The following VWA8 variants were observed in gnomAD, a reference collection of about 807,000 sequenced individuals.
The protein encoded by VWA8 is von Willebrand factor A domain containing 8.
A neutral mutation model predicts 241.5 loss-of-function variants in VWA8; 221 were observed. The observed-to-expected ratio is 0.91, with a 90% CI of 0.82 to 1.02. VWA8 has a LOEUF of 1.02. Ranked by LOEUF, VWA8 falls within the 50% of genes least tolerant of loss-of-function variation. The pLI is 0.00. For missense variants in VWA8, 2,322 were observed against 2,328.7 expected (o/e 1.00, Z 0.06); for synonymous variants, 852 against 827.1 (o/e 1.03, Z -0.52).
At chr13:41,927,268 T>C in intron 2 of VWA8, 1 of 505,600 alleles carries the variant, frequency 2.0e-6, no homozygotes, top group South Asian at 1.5e-5. Flanking sequence ...AGTACTTCTA[T>C]TTCCTGCTAT....
Position 41,691,438 on chromosome 13 carries a change from G to A in VWA8, c.3748C>T (p.Leu1250=), listed in dbSNP as rs754401390. 26 of 1,612,024 alleles carry A rather than the reference G, an allele frequency of 1.6e-5. No individual in the cohort carries two copies. The Admixed American group carries it at 3.5e-4, about 22-fold the overall frequency. ...LVFYKEKGNS[L]TVLDVLEGRT... is the part of the protein sequence containing the mutation. ...CCTTCTAGAACATCCAGCACAGTCA[G>A]GCTGTTCCTGGAAAAGAAGAAAACT... Residue 1250 remains leucine, a synonymous_variant, in exon 32 of 45, where the codon CTG becomes TTG. Transcript: ENST00000379310.
intron 29 of VWA8, among the ~76,000 whole-genome samples, chr13:41,695,078 G>A (rs775183462): frequency 1.3e-5 from 2 of 152,116 alleles, no homozygotes; most frequent in Non-Finnish European, 2.9e-5. Context: ...CGTCACACAT[G>A]AGTACATGTA....
intron 12 of VWA8, among the ~76,000 whole-genome samples, chr13:41,844,558 T>C (rs1872200029): frequency 6.6e-6 from 1 of 152,182 alleles, no homozygotes; most frequent in South Asian, 2.1e-4. Context: ...ACTATTTCTC[T>C]TCCCACATGA....
intron 21 of VWA8, among the ~76,000 whole-genome samples, chr13:41,754,191 T>A (rs996865794): frequency 3.2e-4 from 49 of 152,222 alleles, no homozygotes; most frequent in Non-Finnish European, 4.9e-4. Context: ...AACTCCCACA[T>A]GTTGCGGGAG....
At chr13:41,910,310 T>C (rs921631834) in intron 3 of VWA8, among the ~76,000 whole-genome samples, 1 of 152,126 alleles carries the variant, frequency 6.6e-6, no homozygotes, top group South Asian at 2.1e-4. Context: ...TTAAAAAGGC[T>C]TGGCCGGGCA....
chr13:41,791,088 C>T (rs925217836), intron 17 of VWA8, among the ~76,000 whole-genome samples: 6 of 151,434 alleles, frequency 4.0e-5, no homozygotes, highest in Non-Finnish European at 8.9e-5. Flanking sequence ...AATCCAATTC[C>T]TTTTCACTGA....
At chr13:41,797,183 A>T (rs915234367) in intron 17 of VWA8, among the ~76,000 whole-genome samples, 1 of 146,178 alleles carries the variant, frequency 6.8e-6, no homozygotes, top group African/African-American at 2.5e-5. Context: ...GGCACGTGCC[A>T]CCACACCCAA....
intron 26 of VWA8, among the ~76,000 whole-genome samples, chr13:41,716,584 ATC>A (rs1334071504): frequency 6.6e-6 from 1 of 151,980 alleles, no homozygotes; most frequent in East Asian, 1.9e-4. Context: ...TCTGACTTAT[ATC>A]TCTTTTTAGC....
chr13:41,642,821 C>T (rs548002261), intron 37 of VWA8, among the ~76,000 whole-genome samples: 4 of 151,720 alleles, frequency 2.6e-5, no homozygotes, highest in Admixed American at 6.6e-5. Flanking sequence ...CCCAGCTACT[C>T]GGGAGGCTGA....
chr13:41,747,734 T>C (rs574018336), intron 21 of VWA8, among the ~76,000 whole-genome samples: 13 of 152,192 alleles, frequency 8.5e-5, no homozygotes, highest in East Asian at 1.9e-4. Flanking sequence ...GGCTGCGGGT[T>C]TGTCATAAAT....
At chr13:41,581,860 A>G (rs1023223619) in intron 42 of VWA8, among the ~76,000 whole-genome samples, 1 of 152,218 alleles carries the variant, frequency 6.6e-6, no homozygotes, top group African/African-American at 2.4e-5. Flanking sequence ...GTGTATTTCA[A>G]GATTACAGTG....
Position 41,811,218 on chromosome 13 carries a change from T to C in VWA8, c.2063+7A>G, listed in dbSNP as rs778860330. 3 of 1,596,414 alleles carry C rather than the reference T, an allele frequency of 1.9e-6. No homozygotes were observed. The highest frequency in any genetic ancestry group is 1.1e-5 in the South Asian group (1 of 89,972). ...AACTTACACGCAGTGAGAAAGAATA[T>C]GTTTACCTGGAAAGGCAGGCTTTAG... On this transcript the variant is annotated splice_region_variant and intron_variant, in intron 17 of 44. Coordinates refer to ENST00000379310, the MANE Select transcript of VWA8 (RefSeq NM_015058.2).
Position 41,721,792 on chromosome 13 carries a change from A to G in VWA8, c.2759-217T>C, listed in dbSNP as rs116714795. Among the ~76,000 whole-genome samples, 945 of 152,258 alleles carry G rather than the reference A, an allele frequency of 6.2e-3. 12 individuals are homozygous for G. Among genetic ancestry groups the G allele is most frequent in the African/African-American group, 0.022 (905 of 41,558 alleles). ...TTATCTCCACGAATTTATTTTTGTT[A>G]AAAAACTTACATAATACTTGAATAC... On this transcript the variant is annotated intron_variant, in intron 24 of 44. Transcript: ENST00000379310.
intron 44 of VWA8, 68 bp from the exon 45 acceptor site, chr13:41,568,373 C>A: frequency 8.0e-7 from 1 of 1,256,382 alleles, no homozygotes; most frequent in Non-Finnish European, 1.2e-6. Flanking sequence ...CCTGCCCTGG[C>A]AAACCACAGC....
At chr13:41,690,034 G>T in intron 33 of VWA8, 132 bp downstream of exon 33, 1 of 629,972 alleles carries the variant, frequency 1.6e-6, no homozygotes, top group Non-Finnish European at 2.6e-6. Context: ...TATTTCTGGT[G>T]TAGTGACTAA....
At position 41,577,486 on chromosome 13, in the gene VWA8, C is replaced by T. The variant is rs147250421; in HGVS notation, c.5272-1648G>A. Among the ~76,000 whole-genome samples the T allele has an allele frequency of 9.6e-4, 146 of 152,280 alleles. 1 individual carries two copies. In the Middle Eastern group the frequency reaches 0.014, roughly 14 times the overall value. ...GCTCAGGATAGGAAATTTCTGGCTTCGGCATAGGCTTGACTAAAGTCATCC... is the reference window on the plus strand; with the variant it reads ...GCTCAGGATAGGAAATTTCTGGCTTTGGCATAGGCTTGACTAAAGTCATCC... On this transcript the variant is annotated intron_variant, in intron 42 of 44. Transcript: ENST00000379310.
chr13:41,662,506 T>A (rs553318908), intron 37 of VWA8, among the ~76,000 whole-genome samples: 1 of 151,638 alleles, frequency 6.6e-6, no homozygotes, highest in Admixed American at 6.6e-5. Flanking sequence ...ATTTATTAGT[T>A]CTAAGAGTAG....
chr13:41,657,034 C>A (rs773405308), intron 37 of VWA8, among the ~76,000 whole-genome samples: 2 of 152,108 alleles, frequency 1.3e-5, no homozygotes, highest in Non-Finnish European at 2.9e-5. Context: ...AGTATGCCAT[C>A]CCTTTGGCCA....
At chr13:41,623,992 C>T (rs1487973027) in intron 37 of VWA8, among the ~76,000 whole-genome samples, 1 of 152,022 alleles carries the variant, frequency 6.6e-6, no homozygotes, top group African/African-American at 2.4e-5. Flanking sequence ...GGTGACATTA[C>T]CACCAACTCC....
Sources: gnomAD v4.1 joint callset for allele counts (sites outside exome capture counted in the v4.1 genomes callset) on GRCh38, gnomAD v4.1.1 for gene constraint, MANE v1.5 for transcripts, NCBI Gene and HGNC (gene_info 2026-07-23, HGNC 2026-07-21) for gene names.